SOX6: variants seen among roughly 807,000 people sequenced by gnomAD.
The protein encoded by SOX6 is SRY-box transcription factor 6.
A neutral mutation model predicts 97.8 loss-of-function variants in SOX6; 11 were observed. The observed-to-expected ratio is 0.11, with a 90% confidence interval of 0.07 to 0.19. The LOEUF is 0.19. Among genes scored for constraint, SOX6 ranks in the 10% least tolerant of loss-of-function variants. The pLI is 1.00. For synonymous variants in SOX6, 360 were observed against 371.4 expected, an observed-to-expected ratio of 0.97 and a Z score of 0.35; for missense variants, 810 against 1,039.5, an observed-to-expected ratio of 0.78 and a Z score of 3.04.
At chr11:15,997,999 G>C (rs865910715) in intron 13 of SOX6, among the ~76,000 whole-genome samples, 1 of 151,990 alleles carries the variant, frequency 6.6e-6, no homozygotes, top group South Asian at 2.1e-4. Flanking sequence ...AGAATGTCTT[G>C]AACCCGGGAG....
intron 5 of SOX6, among the ~76,000 whole-genome samples, 173 bp from the exon 6 acceptor site, chr11:16,184,127 C>A (rs1242219348): frequency 6.6e-6 from 1 of 152,016 alleles, no homozygotes; most frequent in Non-Finnish European, 1.5e-5. Context: ...AATTTTTAAA[C>A]AAGTGCCACC....
At chr11:16,372,505 C>T (rs542867088) in intron 1 of SOX6, among the ~76,000 whole-genome samples, 1 of 152,156 alleles carries the variant, frequency 6.6e-6, no homozygotes, top group East Asian at 1.9e-4. Context: ...AAAGCACTAA[C>T]AGAGACTTCA....
chr11:16,067,100 T>C (rs1323560015), intron 9 of SOX6, among the ~76,000 whole-genome samples: 1 of 152,196 alleles, frequency 6.6e-6, no homozygotes, highest in Non-Finnish European at 1.5e-5. Flanking sequence ...TACAGGCTCA[T>C]AGGAAGAAGA....
At chr11:16,376,053 A>G (rs1260778068) in intron 1 of SOX6, among the ~76,000 whole-genome samples, 1 of 152,116 alleles carries the variant, frequency 6.6e-6, no homozygotes, top group Non-Finnish European at 1.5e-5. Context: ...GGGGAGGGAT[A>G]ACATTAGGAG....
chr11:15,993,686 T>C (rs569729944), intron 13 of SOX6, among the ~76,000 whole-genome samples: 3 of 152,302 alleles, frequency 2.0e-5, no homozygotes, highest in African/African-American at 7.2e-5. Context: ...TTCATCTCAG[T>C]TTGTGTAAAG....
intron 6 of SOX6, among the ~76,000 whole-genome samples, chr11:16,176,811 A>G (rs1851199679): frequency 6.6e-6 from 1 of 151,942 alleles, no homozygotes; most frequent in South Asian, 2.1e-4. Context: ...GGGCAAATGG[A>G]GAAAGGATCT....
chr11:16,242,474 T>C (rs1853223377), intron 3 of SOX6, among the ~76,000 whole-genome samples: 1 of 151,936 alleles, frequency 6.6e-6, no homozygotes, highest in South Asian at 2.1e-4. Flanking sequence ...GACTGTGCTT[T>C]GAAACAAACT....
At chr11:16,157,800 A>G (rs563554897) in intron 6 of SOX6, among the ~76,000 whole-genome samples, 2 of 152,132 alleles carry the variant, frequency 1.3e-5, no homozygotes, top group South Asian at 2.1e-4. Context: ...CTTCATCTCT[A>G]TGAATCTTTG....
At chr11:16,524,882 T>C (rs1372937900) in intron 4 of SOX6, among the ~76,000 whole-genome samples, 4 of 152,186 alleles carry the variant, frequency 2.6e-5, no homozygotes, top group Admixed American at 6.5e-5. Flanking sequence ...CCATTCACAA[T>C]TGCTTCAAAG....
intron 6 of SOX6, among the ~76,000 whole-genome samples, chr11:16,131,300 T>C (rs938892228): frequency 1.3e-5 from 2 of 151,932 alleles, no homozygotes; most frequent in African/African-American, 2.4e-5. Context: ...AAGAGTTGAA[T>C]AGACAATTCA....
chr11:16,640,266 G>C (rs995350373), intron 3 of SOX6, among the ~76,000 whole-genome samples: 2 of 152,288 alleles, frequency 1.3e-5, no homozygotes, highest in South Asian at 4.1e-4. Flanking sequence ...AAGCCCACTG[G>C]ATCATGGTGG....
chr11:16,066,605 T>C (rs1848100274), intron 9 of SOX6, among the ~76,000 whole-genome samples: 1 of 152,164 alleles, frequency 6.6e-6, no homozygotes. Context: ...AACAACATGA[T>C]GGAACTGGAG....
intron 4 of SOX6, among the ~76,000 whole-genome samples, chr11:16,193,402 A>G (rs1005836398): frequency 2.9e-4 from 44 of 152,134 alleles, no homozygotes; most frequent in Non-Finnish European, 4.4e-4. Flanking sequence ...ATGAAGGGCA[A>G]TGGTGTTAAC....
chr11:16,537,042 C>A (rs1257740832), intron 4 of SOX6, among the ~76,000 whole-genome samples: 4 of 152,198 alleles, frequency 2.6e-5, no homozygotes, highest in African/African-American at 7.2e-5. Context: ...TGGGAGACAC[C>A]TCCCAGTAGA....
intron 3 of SOX6, among the ~76,000 whole-genome samples, chr11:16,650,991 G>A (rs1489484053): frequency 6.6e-6 from 1 of 152,004 alleles, no homozygotes; most frequent in Non-Finnish European, 1.5e-5. Flanking sequence ...AGGCTACTAT[G>A]AACACCTTAT....
chr11:16,531,530 A>T (rs1565173556), intron 4 of SOX6, among the ~76,000 whole-genome samples: 3 of 151,898 alleles, frequency 2.0e-5, no homozygotes, highest in Non-Finnish European at 4.4e-5. Flanking sequence ...TGGAATAAAT[A>T]TTACATTCCT....
At chr11:16,013,945 A>G (rs377305612) in intron 13 of SOX6, among the ~76,000 whole-genome samples, 1 of 152,144 alleles carries the variant, frequency 6.6e-6, no homozygotes, top group East Asian at 1.9e-4. Context: ...AAACCCTGCC[A>G]GTTAAAGGGA....
chr11:16,658,416 T>G (rs554574382), intron 3 of SOX6, among the ~76,000 whole-genome samples: 2 of 152,298 alleles, frequency 1.3e-5, no homozygotes, highest in African/African-American at 4.8e-5. Flanking sequence ...TGTATTAAAA[T>G]ATGTTCTCCT....
intron 4 of SOX6, among the ~76,000 whole-genome samples, chr11:16,495,669 C>T (rs1860583031): frequency 6.6e-6 from 1 of 152,208 alleles, no homozygotes; most frequent in South Asian, 2.1e-4. Context: ...CTGCTACTGC[C>T]ATTGCCCATG....
Sources: allele counts gnomAD v4.1 joint callset (sites outside exome capture counted in the v4.1 genomes callset), GRCh38; gene constraint gnomAD v4.1.1; transcripts MANE v1.5; gene names NCBI Gene and HGNC (gene_info 2026-07-23, HGNC 2026-07-21).